The following SNTG1 variants were observed in gnomAD, a reference collection of about 807,000 sequenced individuals.
SNTG1 encodes the protein syntrophin gamma 1.
Under a neutral mutation model 74.7 loss-of-function variants are expected in SNTG1, and 39 were observed. The ratio of observed to expected loss-of-function variants is 0.52; its 90% confidence interval spans 0.40 to 0.68. SNTG1 has a LOEUF of 0.68. Among genes scored for constraint, SNTG1 ranks in the 30% least tolerant of loss-of-function variants. The probability of loss-of-function intolerance (pLI) is 0.00; values close to 1 mark genes in which losing one functional copy is unlikely to be tolerated. For missense variants in SNTG1, 685 were observed against 609.5 expected, an observed-to-expected ratio of 1.12 and a Z score of -1.30; for synonymous variants, 254 against 217.1, an observed-to-expected ratio of 1.17 and a Z score of -1.49.
At chr8:50,190,039 G>A (rs1474134634) in intron 2 of SNTG1, among the ~76,000 whole-genome samples, 1 of 152,080 alleles carries the variant, frequency 6.6e-6, no homozygotes, top group African/African-American at 2.4e-5. Context: ...TTACTCATAA[G>A]TCATTTGGTA....
chr8:50,057,316 G>A (rs1388063468), intron 1 of SNTG1, among the ~76,000 whole-genome samples: 1 of 152,146 alleles, frequency 6.6e-6, no homozygotes, highest in Non-Finnish European at 1.5e-5. Flanking sequence ...GAAGCCAGAT[G>A]CATGAAGACA....
intron 1 of SNTG1, among the ~76,000 whole-genome samples, chr8:49,982,370 C>T (rs987202144): frequency 2.0e-5 from 3 of 152,134 alleles, no homozygotes; most frequent in East Asian, 1.9e-4. Flanking sequence ...TTGGGCCCAT[C>T]TGCTCCTTGG....
At chr8:50,029,582 C>T (rs554475528) in intron 1 of SNTG1, among the ~76,000 whole-genome samples, 20 of 152,244 alleles carry the variant, frequency 1.3e-4, no homozygotes, top group Admixed American at 3.9e-4. Flanking sequence ...TCAGCTCCCA[C>T]ATATGAGTGA....
intron 2 of SNTG1, among the ~76,000 whole-genome samples, chr8:50,249,454 C>A (rs2086549441): frequency 6.6e-6 from 1 of 152,226 alleles, no homozygotes; most frequent in African/African-American, 2.4e-5. Context: ...CATGTACCTG[C>A]CCCTAGCTTG....
chr8:49,970,114 G>A (rs1811525215), intron 1 of SNTG1, among the ~76,000 whole-genome samples: 2 of 152,094 alleles, frequency 1.3e-5, no homozygotes, highest in Admixed American at 6.6e-5. Flanking sequence ...TTTTACTCTG[G>A]TTGGCCTCTT....
At chr8:50,662,756 C>T (rs2095230807) in intron 15 of SNTG1, among the ~76,000 whole-genome samples, 2 of 151,326 alleles carry the variant, frequency 1.3e-5, no homozygotes, top group Admixed American at 1.3e-4. Context: ...GTTACTAAAA[C>T]ATTACCCTTT....
At position 50,454,568 on chromosome 8, in the gene SNTG1, G is replaced by A. The variant is rs192253502; in HGVS notation, c.363+3839G>A. On this transcript the variant is annotated intron_variant, in intron 8 of 18. Transcript: ENST00000642720. ...TGTCTGAGTGGCTGGGTGGCAGGGCGTGGTGGCTCACGCCTGTAATCCCAG... is the reference window on the plus strand; with the variant it reads ...TGTCTGAGTGGCTGGGTGGCAGGGCATGGTGGCTCACGCCTGTAATCCCAG... Among the ~76,000 whole-genome samples, 274 of 152,040 alleles carry A rather than the reference G, an allele frequency of 1.8e-3. 1 individual carries two copies. Among genetic ancestry groups the A allele is most frequent in the African/African-American group, 5.3e-3 (221 of 41,484 alleles).
chr8:49,938,009 C>T (rs974984263), intron 1 of SNTG1, among the ~76,000 whole-genome samples: 3 of 152,072 alleles, frequency 2.0e-5, no homozygotes, highest in African/African-American at 4.8e-5. Flanking sequence ...CGGCCTTGTC[C>T]TTATCTTTGA....
intron 4 of SNTG1, among the ~76,000 whole-genome samples, chr8:50,419,804 A>G (rs377311129): frequency 4.6e-5 from 7 of 152,344 alleles, no homozygotes; most frequent in East Asian, 3.9e-4. Flanking sequence ...TACAAACACC[A>G]TTGAAACAAA....
At position 50,294,134 on chromosome 8, in the gene SNTG1, TAATC is replaced by T. The variant is rs560162286; in HGVS notation, c.-27-100075_-27-100072del. On this transcript the variant is annotated intron_variant, in intron 2 of 18. Transcript: ENST00000642720. ...ACTGTAGAAAATAATAAAATAAAAA[TAATC>T]AAATAAATACACAGAATAAAAAAGT... Among the ~76,000 whole-genome samples, 460 of 151,986 alleles carry T rather than the reference TAATC, an allele frequency of 3.0e-3. 2 individuals are homozygous for T. Among genetic ancestry groups the T allele is most frequent in the African/African-American group, 0.011 (436 of 41,498 alleles).
intron 8 of SNTG1, among the ~76,000 whole-genome samples, chr8:50,478,849 A>G (rs1390401991): frequency 1.3e-5 from 2 of 152,168 alleles, no homozygotes; most frequent in East Asian, 1.9e-4. Context: ...TGAATAAAAT[A>G]TTTCTCTTAT....
intron 1 of SNTG1, among the ~76,000 whole-genome samples, chr8:49,937,026 G>A (rs1808146687): frequency 6.6e-6 from 1 of 152,150 alleles, no homozygotes. Context: ...GCACTCGCCT[G>A]TAATTCCAGC....
chr8:50,179,692 T>C (rs1387288079), intron 2 of SNTG1, among the ~76,000 whole-genome samples: 1 of 152,184 alleles, frequency 6.6e-6, no homozygotes. Flanking sequence ...TCAACATCAC[T>C]AATTATCAGG....
At chr8:50,056,571 A>T (rs1258532251) in intron 1 of SNTG1, among the ~76,000 whole-genome samples, 1 of 152,152 alleles carries the variant, frequency 6.6e-6, no homozygotes, top group Non-Finnish European at 1.5e-5. Flanking sequence ...TTGGGTTCCA[A>T]TCTGTTCACA....
At chr8:50,777,054 C>A (rs960559613) in intron 18 of SNTG1, among the ~76,000 whole-genome samples, 4 of 151,656 alleles carry the variant, frequency 2.6e-5, no homozygotes, top group African/African-American at 7.3e-5. Flanking sequence ...TGTGTCTTGG[C>A]AAGGATTTCT....
chr8:50,425,540 C>A (rs1444464747), intron 4 of SNTG1, among the ~76,000 whole-genome samples: 1 of 151,982 alleles, frequency 6.6e-6, no homozygotes, highest in Admixed American at 6.6e-5. Flanking sequence ...GTATAATTAT[C>A]TCATTATATA....
chr8:50,750,814 C>T (rs569451670), intron 17 of SNTG1, among the ~76,000 whole-genome samples: 24 of 151,966 alleles, frequency 1.6e-4, no homozygotes, highest in African/African-American at 5.8e-4. Flanking sequence ...ATTGGGGAAC[C>T]AAACAATTTC....
At chr8:50,597,185 TG>T (rs1335569897) in intron 13 of SNTG1, among the ~76,000 whole-genome samples, 3 of 151,790 alleles carry the variant, frequency 2.0e-5, no homozygotes, top group African/African-American at 7.3e-5. Flanking sequence ...TTTCTATGCA[TG>T]GGTCATTTTA....
intron 1 of SNTG1, among the ~76,000 whole-genome samples, chr8:50,165,127 G>T (rs141646688): frequency 3.3e-4 from 51 of 152,274 alleles, no homozygotes; most frequent in Non-Finnish European, 6.5e-4. Context: ...GTTGAGTTCT[G>T]CTTTGATGAG....
Sources: gnomAD v4.1 joint callset for allele counts (sites outside exome capture counted in the v4.1 genomes callset) on GRCh38, gnomAD v4.1.1 for gene constraint, MANE v1.5 for transcripts, NCBI Gene and HGNC (gene_info 2026-07-23, HGNC 2026-07-21) for gene names.